The following EML4 variants were observed in gnomAD, a reference collection of about 807,000 sequenced individuals.
The protein encoded by EML4 is echinoderm microtubule-associated protein-like 4.
Under a neutral mutation model 129.0 loss-of-function variants are expected in EML4, and 72 were observed. The observed-to-expected ratio is 0.56, with a 90% CI of 0.46 to 0.68. The LOEUF (loss-of-function observed/expected upper bound fraction) is 0.68. Ranked by LOEUF, EML4 falls within the 30% of genes least tolerant of loss-of-function variation. The pLI is 0.00. For synonymous variants in EML4, 532 were observed against 405.0 expected (o/e 1.31, Z -3.77); for missense variants, 1,363 against 1,190.6 (o/e 1.14, Z -2.13).
At chr2:42,251,061 A>G (rs1221489337) in intron 2 of EML4, among the ~76,000 whole-genome samples, 1 of 152,140 alleles carries the variant, frequency 6.6e-6, no homozygotes, top group Non-Finnish European at 1.5e-5. Flanking sequence ...AATGCAAGTG[A>G]TAGGAAGTGG....
intron 19 of EML4, chr2:42,325,175 T>G: frequency 1.9e-6 from 1 of 533,080 alleles, no homozygotes; most frequent in Non-Finnish European, 3.7e-6. Context: ...GGGTGTGGTA[T>G]GTGTTGCAAT....
intron 1 of EML4, among the ~76,000 whole-genome samples, chr2:42,214,606 G>A (rs1673074637): frequency 6.6e-6 from 1 of 152,150 alleles, no homozygotes; most frequent in Non-Finnish European, 1.5e-5. Context: ...GTTATATCCA[G>A]CATTATTGTG....
chr2:42,306,523 C>T (rs11678471), intron 17 of EML4, among the ~76,000 whole-genome samples: 26,110 of 115,264 alleles, frequency 0.23, 3,329 homozygotes, highest in East Asian at 0.54. Flanking sequence ...GATAGAGTCT[C>T]GCTCTGTCAC....
intron 11 of EML4, among the ~76,000 whole-genome samples, chr2:42,292,660 T>C (rs1402202483): frequency 6.6e-6 from 1 of 152,208 alleles, no homozygotes; most frequent in Non-Finnish European, 1.5e-5. Context: ...AGGTTAGTAA[T>C]GTTTTGTTTC....
chr2:42,293,960 A>AGC (rs1667805223), intron 11 of EML4, among the ~76,000 whole-genome samples: 1 of 152,224 alleles, frequency 6.6e-6, no homozygotes, highest in East Asian at 1.9e-4. Context: ...GTTCTTTGCT[A>AGC]AGTTAAAAAG....
At chr2:42,264,900 T>G (rs1237828017) in intron 6 of EML4, 169 bp downstream of exon 6, 1 of 1,550,168 alleles carries the variant, frequency 6.5e-7, no homozygotes, top group Admixed American at 2.0e-5. Context: ...TAAGGTAATG[T>G]CATTTTTGTC....
chr2:42,324,476 A>T (rs1341955702), intron 19 of EML4, among the ~76,000 whole-genome samples: 1 of 151,962 alleles, frequency 6.6e-6, no homozygotes, highest in Admixed American at 6.6e-5. Context: ...ATTAGCTGGG[A>T]GTGATGGCAT....
At chr2:42,240,926 C>G (rs920377843) in intron 1 of EML4, among the ~76,000 whole-genome samples, 13 of 152,106 alleles carry the variant, frequency 8.5e-5, no homozygotes, top group Admixed American at 6.5e-4. Flanking sequence ...AGATAGATCC[C>G]TTGAGGTCAG....
At chr2:42,194,723 T>C (rs1185729999) in intron 1 of EML4, among the ~76,000 whole-genome samples, 2 of 151,908 alleles carry the variant, frequency 1.3e-5, no homozygotes, top group East Asian at 3.9e-4. Context: ...TGTTGCCCAG[T>C]CTGGTCTCGA....
Position 42,325,602 on chromosome 2 carries a change from T to TTATATATATATATATA in EML4, c.2242+70_2242+85dup, listed in dbSNP as rs10530482. 6.1e-3 allele frequency: 788 copies of TTATATATATATATATA among 128,820 alleles called. 26 individuals carry two copies. The highest frequency in any genetic ancestry group is 9.5e-3 in the Non-Finnish European group (587 of 61,672). 8.0% of individuals were successfully genotyped at this position (128,820 alleles called of 1,614,324 possible). A position where few individuals can be genotyped will look rare whatever the true frequency, so the allele number is the denominator to read the frequency against. ...ATATATATATATGCTATGATTATAT[T>TTATATATATATATATA]TATATATATATATATATATATATAT... On this transcript the variant is annotated intron_variant, in intron 20 of 22. Transcript: ENST00000318522.
In EML4 at chr2:42,330,205, T is replaced by A; in HGVS notation, c.2944T>A (p.Ter982LysextTer17). The A allele has an allele frequency of 6.2e-7, 1 of 1,613,056 alleles. No individual in the cohort carries two copies. The change falls in exon 23 of 23, where the codon TAA becomes AAA. Residue 982 changes from the stop codon to lysine (K), a stop_lost. Coordinates refer to ENST00000318522, the MANE Select transcript of EML4 (RefSeq NM_019063.5). ...CCAGCAAGACCCTTCGCCCTCGTCC[T>A]AACACCCTGGCTTCAGTGCAACTCT... ...EDQQDPSPSS[*>K]
At chr2:42,300,772 A>G (rs565463350) in intron 13 of EML4, among the ~76,000 whole-genome samples, 31 of 152,316 alleles carry the variant, frequency 2.0e-4, no homozygotes, top group Admixed American at 3.9e-4. Flanking sequence ...AGTTAAAGGA[A>G]CATCAAGGTG....
chr2:42,275,573 T>C (rs1310521101), intron 6 of EML4, among the ~76,000 whole-genome samples: 1 of 152,222 alleles, frequency 6.6e-6, no homozygotes, highest in Admixed American at 6.5e-5. Context: ...TTATGAACAA[T>C]ATCCTACAGA....
chr2:42,286,401 A>C, intron 10 of EML4, 22 bp downstream of exon 10: 1 of 1,406,750 alleles, frequency 7.1e-7, no homozygotes, highest in Non-Finnish European at 1.0e-6. Context: ...TTTTTAGAGA[A>C]GTAAGCAAGC....
chr2:42,307,021 CAATT>C (rs1355918465), intron 17 of EML4, among the ~76,000 whole-genome samples: 2 of 152,108 alleles, frequency 1.3e-5, no homozygotes, highest in East Asian at 1.9e-4. Context: ...TTATCTTTGA[CAATT>C]AAATCACTGA....
In EML4 at chr2:42,200,310, A is replaced by T. The variant is rs571948143; in HGVS notation, c.25+30674A>T. On this transcript the variant is annotated intron_variant, in intron 1 of 22. Transcript: ENST00000318522. ...ACTGCACTCCAGCCTGGGCGACAGA[A>T]CAAGACTACGCCTCAAAAAAAGAGG... Among the ~76,000 whole-genome samples the T allele has an allele frequency of 2.1e-3, 325 of 152,234 alleles. 1 individual carries two copies. The highest frequency in any genetic ancestry group is 3.3e-3 in the Non-Finnish European group (225 of 68,002).
At chr2:42,217,684 A>G (rs1290664116) in intron 1 of EML4, among the ~76,000 whole-genome samples, 3 of 152,218 alleles carry the variant, frequency 2.0e-5, no homozygotes, top group African/African-American at 7.2e-5. Flanking sequence ...GTGTCCACAT[A>G]TTCGTTGTCT....
In EML4 at chr2:42,330,292, G is replaced by C. The variant is rs757026651; in HGVS notation, c.*85G>C. ...AGGTAACAGGATGGGCAGTGATGGA[G>C]AATCACTGTTGATTGAGATTTTGGT... On this transcript the variant is annotated 3_prime_UTR_variant, in exon 23 of 23. Transcript: ENST00000318522. 44 of 1,203,812 alleles carry C rather than the reference G, an allele frequency of 3.7e-5. No individual in the cohort carries two copies. In the African/African-American group the frequency reaches 3.9e-4, roughly 11 times the overall value. The allele number at this position is 1,203,812 out of a possible 1,614,324, so 74.6% of individuals were successfully genotyped here.
intron 2 of EML4, among the ~76,000 whole-genome samples, chr2:42,252,218 A>G (rs1429855224): frequency 2.6e-5 from 4 of 152,200 alleles, no homozygotes; most frequent in African/African-American, 9.7e-5. Context: ...GTATTTAGGA[A>G]CTGTCAGGCT....
Sources: allele counts gnomAD v4.1 joint callset (sites outside exome capture counted in the v4.1 genomes callset), GRCh38; gene constraint gnomAD v4.1.1; transcripts MANE v1.5; gene names NCBI Gene and HGNC (gene_info 2026-07-23, HGNC 2026-07-21).